The following KCTD8 variants were observed in gnomAD, a reference collection of about 807,000 sequenced individuals.
KCTD8 encodes the protein BTB/POZ domain-containing protein KCTD8.
In KCTD8, 27 loss-of-function variants were observed where a neutral mutation model predicts 31.5. The ratio of observed to expected loss-of-function variants is 0.86; its 90% CI spans 0.63 to 1.18. The LOEUF is 1.18. Among genes scored for constraint, KCTD8 ranks in the 50% most tolerant of loss-of-function variants. The pLI, the probability that KCTD8 is intolerant of heterozygous loss-of-function variation, is 0.00. For synonymous variants in KCTD8, 290 were observed against 280.0 expected (o/e 1.04, Z -0.36); for missense variants, 658 against 647.7 (o/e 1.02, Z -0.17).
At chr4:44,267,913 C>A (rs975111977) in intron 1 of KCTD8, among the ~76,000 whole-genome samples, 11 of 152,134 alleles carry the variant, frequency 7.2e-5, no homozygotes, top group Non-Finnish European at 1.5e-5. Context: ...AGCTTACCAA[C>A]CAAAAAGAGT....
In KCTD8 at chr4:44,288,785, T is replaced by A. The variant is rs138650044; in HGVS notation, c.962-113535A>T. 3.1e-3 allele frequency among the ~76,000 whole-genome samples: 465 copies of A among 152,168 alleles called. 1 individual carries two copies. The highest frequency in any genetic ancestry group is 0.011 in the African/African-American group (445 of 41,566). ...CCCATTTTCAAAATTAATTTCTTTC[T>A]GACTACCTATCTCACCTACCCTCTT... On this transcript the variant is annotated intron_variant, in intron 1 of 1. Coordinates refer to ENST00000360029, the MANE Select transcript of KCTD8 (RefSeq NM_198353.3).
chr4:44,259,790 A>G (rs566999090), intron 1 of KCTD8, among the ~76,000 whole-genome samples: 2 of 152,054 alleles, frequency 1.3e-5, no homozygotes, highest in African/African-American at 4.8e-5. Flanking sequence ...GATGTGAGTG[A>G]GCAAAAGGTC....
intron 1 of KCTD8, among the ~76,000 whole-genome samples, chr4:44,352,164 T>C (rs994611348): frequency 6.6e-6 from 1 of 151,996 alleles, no homozygotes; most frequent in African/African-American, 2.4e-5. Context: ...TAAATGAAAG[T>C]CTTATTAGCC....
chr4:44,265,170 G>A (rs570838292), intron 1 of KCTD8, among the ~76,000 whole-genome samples: 2 of 152,178 alleles, frequency 1.3e-5, no homozygotes, highest in East Asian at 1.9e-4. Flanking sequence ...CACCTCACAC[G>A]GCCGGGTACT....
At chr4:44,205,428 CATATTT>C (rs780217702) in intron 1 of KCTD8, among the ~76,000 whole-genome samples, 28 of 152,266 alleles carry the variant, frequency 1.8e-4, no homozygotes, top group Admixed American at 5.9e-4. Flanking sequence ...ATTTGGAAAA[CATATTT>C]ATATTTCTAC....
intron 1 of KCTD8, among the ~76,000 whole-genome samples, chr4:44,336,679 T>G (rs1468927489): frequency 5.3e-5 from 8 of 152,030 alleles, no homozygotes; most frequent in African/African-American, 1.9e-4. Flanking sequence ...ATAATGAAAC[T>G]GAAAAAATCA....
intron 1 of KCTD8, among the ~76,000 whole-genome samples, chr4:44,292,204 T>A (rs1432711424): frequency 6.6e-6 from 1 of 151,976 alleles, no homozygotes; most frequent in Non-Finnish European, 1.5e-5. Flanking sequence ...TTCATAATTG[T>A]CAAGACATGG....
chr4:44,430,837 C>T (rs957590530), intron 1 of KCTD8, among the ~76,000 whole-genome samples: 1 of 151,538 alleles, frequency 6.6e-6, no homozygotes, highest in African/African-American at 2.4e-5. Flanking sequence ...AAGCATTAGA[C>T]TCACCTTTTA....
intron 1 of KCTD8, among the ~76,000 whole-genome samples, chr4:44,339,307 T>G (rs1436683329): frequency 6.6e-6 from 1 of 152,116 alleles, no homozygotes; most frequent in East Asian, 1.9e-4. Flanking sequence ...CCAGAGTTCT[T>G]AGAATCCCTA....
chr4:44,203,305 C>T (rs1243027975), intron 1 of KCTD8, among the ~76,000 whole-genome samples: 1 of 151,912 alleles, frequency 6.6e-6, no homozygotes, highest in Admixed American at 6.6e-5. Flanking sequence ...GAGTTCGAGA[C>T]CAGCTTGACC....
At chr4:44,329,167 T>G (rs1047640526) in intron 1 of KCTD8, among the ~76,000 whole-genome samples, 1 of 151,762 alleles carries the variant, frequency 6.6e-6, no homozygotes, top group Admixed American at 6.6e-5. Context: ...CTCCACTTTT[T>G]TTTTTTTTAC....
chr4:44,305,406 C>G (rs369299752), intron 1 of KCTD8, among the ~76,000 whole-genome samples: 1 of 151,408 alleles, frequency 6.6e-6, no homozygotes, highest in East Asian at 1.9e-4. Context: ...TAAAAGTTTA[C>G]TAGACACGAA....
chr4:44,214,681 T>A (rs1476660824), intron 1 of KCTD8, among the ~76,000 whole-genome samples: 1 of 152,208 alleles, frequency 6.6e-6, no homozygotes, highest in Non-Finnish European at 1.5e-5. Flanking sequence ...GCTGTCCTTG[T>A]TCATTGCTGT....
At chr4:44,240,135 G>A (rs1196500329) in intron 1 of KCTD8, among the ~76,000 whole-genome samples, 2 of 152,172 alleles carry the variant, frequency 1.3e-5, no homozygotes, top group Non-Finnish European at 2.9e-5. Flanking sequence ...GAATCAATTT[G>A]TAAAACTGCT....
chr4:44,435,772 C>G (rs1334792182), intron 1 of KCTD8, among the ~76,000 whole-genome samples: 3 of 152,014 alleles, frequency 2.0e-5, no homozygotes. Flanking sequence ...GCAGATGTGC[C>G]TGCTGTATAC....
intron 1 of KCTD8, among the ~76,000 whole-genome samples, chr4:44,246,659 A>G (rs796615392): frequency 7.9e-5 from 12 of 152,132 alleles, no homozygotes; most frequent in African/African-American, 2.9e-4. Flanking sequence ...TCAATCCTTG[A>G]TGCCTTTAAT....
intron 1 of KCTD8, among the ~76,000 whole-genome samples, chr4:44,324,776 A>G (rs1204563281): frequency 6.6e-6 from 1 of 151,968 alleles, no homozygotes; most frequent in African/African-American, 2.4e-5. Context: ...TTCTTAATAT[A>G]AGACTTTTTA....
At chr4:44,288,457 T>C (rs972615521) in intron 1 of KCTD8, among the ~76,000 whole-genome samples, 2 of 152,240 alleles carry the variant, frequency 1.3e-5, no homozygotes, top group Non-Finnish European at 2.9e-5. Flanking sequence ...AAATATATAA[T>C]GTTGAGTAGT....
In KCTD8 at chr4:44,174,920, C is replaced by G. The variant is rs560985341; in HGVS notation, c.1292G>C (p.Cys431Ser). The G allele has an allele frequency of 6.8e-6, 11 of 1,614,032 alleles. No homozygotes were observed. The highest frequency in any genetic ancestry group is 9.3e-6 in the Non-Finnish European group (11 of 1,180,010). ...TTCTTCTTCCACACTTAGCTTCTCA[C>G]AGACTTTCTTTTTGGACAGATTTGT... ...RETNLSKKKV[C>S]EKLSVEEEMK... The change falls in exon 2 of 2, where the codon TGT becomes TCT. Residue 431 changes from cysteine (C) to serine (S), a missense_variant. By Grantham distance (112) the Cys-to-Ser change is moderately radical. Transcript: ENST00000360029.
Sources: allele counts gnomAD v4.1 joint callset (sites outside exome capture counted in the v4.1 genomes callset), GRCh38; gene constraint gnomAD v4.1.1; transcripts MANE v1.5; gene names NCBI Gene and HGNC (gene_info 2026-07-23, HGNC 2026-07-21).